The following RBM33 variants were observed in gnomAD, a reference collection of about 807,000 sequenced individuals.
RBM33 encodes RNA-binding protein 33.
RBM33 carries 28 observed loss-of-function variants against 132.6 expected under a neutral mutation model. The observed-to-expected ratio is 0.21, with a 90% confidence interval of 0.16 to 0.29. The LOEUF is 0.29. Ranked by LOEUF, RBM33 falls within the 10% of genes least tolerant of loss-of-function variation. The pLI, the probability that RBM33 is intolerant of heterozygous loss-of-function variation, is 1.00. For synonymous variants in RBM33, 634 were observed against 593.0 expected, an observed-to-expected ratio of 1.07 and a Z score of -1.01; for missense variants, 1,291 against 1,518.5, an observed-to-expected ratio of 0.85 and a Z score of 2.49.
chr7:155,710,073 C>A (rs1800236639), intron 7 of RBM33, among the ~76,000 whole-genome samples: 1 of 152,168 alleles, frequency 6.6e-6, no homozygotes, highest in South Asian at 2.1e-4. Context: ...CCAAAGAGAT[C>A]ATTCGTGATC....
chr7:155,768,309 C>G (rs1802290178), intron 16 of RBM33, among the ~76,000 whole-genome samples: 1 of 152,208 alleles, frequency 6.6e-6, no homozygotes, highest in Admixed American at 6.5e-5. Flanking sequence ...ATTGCCAAAC[C>G]AGCTAATTTC....
intron 14 of RBM33, among the ~76,000 whole-genome samples, chr7:155,749,891 C>A (rs150220032): frequency 1.3e-4 from 20 of 152,292 alleles, no homozygotes; most frequent in Non-Finnish European, 2.9e-4. Context: ...CTGTGTGAAT[C>A]AAATTAAGTC....
intron 14 of RBM33, among the ~76,000 whole-genome samples, chr7:155,759,415 CTTT>C (rs58449648): frequency 1.8e-4 from 21 of 113,984 alleles, no homozygotes; most frequent in Non-Finnish European, 2.5e-4. Flanking sequence ...TGTTTATGTT[CTTT>C]TTTTTTTTTT....
At chr7:155,750,913 G>T (rs551205414) in intron 14 of RBM33, among the ~76,000 whole-genome samples, 1 of 152,102 alleles carries the variant, frequency 6.6e-6, no homozygotes, top group Non-Finnish European at 1.5e-5. Flanking sequence ...GAATGCCCCC[G>T]CAGGAAAGCC....
At chr7:155,673,404 GTGTGTGT>G (rs1472624345) in intron 3 of RBM33, among the ~76,000 whole-genome samples, 5 of 1,788 alleles carry the variant, frequency 2.8e-3, no homozygotes, top group Admixed American at 0.016. Context: ...TATATATATT[GTGTGTGT>G]GTGTGTGTGT....
chr7:155,735,070 G>GT (rs1201991342), intron 9 of RBM33, among the ~76,000 whole-genome samples: 1 of 152,146 alleles, frequency 6.6e-6, no homozygotes, highest in African/African-American at 2.4e-5. Flanking sequence ...TTGGACCATT[G>GT]TAAGTCAGGA....
chr7:155,682,164 G>A (rs968840334), intron 5 of RBM33, among the ~76,000 whole-genome samples: 2 of 152,024 alleles, frequency 1.3e-5, no homozygotes, highest in Non-Finnish European at 2.9e-5. Flanking sequence ...CAAGTTATCC[G>A]CCCGCCTCGT....
chr7:155,735,528 G>A (rs563430011), intron 9 of RBM33, among the ~76,000 whole-genome samples: 267 of 152,238 alleles, frequency 1.8e-3, no homozygotes, highest in African/African-American at 5.0e-3. Flanking sequence ...AACATAGCAA[G>A]ACCCTGCCTC....
chr7:155,684,822 T>A (rs897540378), intron 5 of RBM33: 39 of 1,226,992 alleles, frequency 3.2e-5, no homozygotes, highest in Non-Finnish European at 4.4e-5. Flanking sequence ...CTAATCACCA[T>A]AGTAAAACTT....
intron 3 of RBM33, among the ~76,000 whole-genome samples, chr7:155,674,342 A>G (rs1339544840): frequency 9.9e-5 from 15 of 152,034 alleles, no homozygotes; most frequent in Admixed American, 9.8e-4. Context: ...TTTATACTCT[A>G]TTGGGGAATT....
intron 1 of RBM33, among the ~76,000 whole-genome samples, chr7:155,660,842 C>G (rs1023161430): frequency 1.3e-5 from 2 of 151,964 alleles, no homozygotes; most frequent in Non-Finnish European, 2.9e-5. Flanking sequence ...TCCTGTCTGT[C>G]CTCTCCTTCT....
chr7:155,697,594 GTGTGTGGTGTA>G (rs1398430915), intron 5 of RBM33, among the ~76,000 whole-genome samples: 2 of 152,122 alleles, frequency 1.3e-5, no homozygotes, highest in East Asian at 3.8e-4. Context: ...GTGTGTGTGT[GTGTGTGGTGTA>G]TGTGTTTCAG....
intron 9 of RBM33, among the ~76,000 whole-genome samples, chr7:155,719,402 A>G (rs1264200989): frequency 2.6e-5 from 4 of 152,180 alleles, no homozygotes; most frequent in Non-Finnish European, 4.4e-5. Flanking sequence ...TAATCAGGTG[A>G]TTATTCAAAA....
chr7:155,747,440 T>C (rs1334227697), intron 14 of RBM33, among the ~76,000 whole-genome samples: 1 of 152,216 alleles, frequency 6.6e-6, no homozygotes, highest in Non-Finnish European at 1.5e-5. Flanking sequence ...CAATGGCCGA[T>C]GTAGAGGGCT....
chr7:155,770,495 A>C (rs971840784), intron 16 of RBM33, among the ~76,000 whole-genome samples: 2 of 151,192 alleles, frequency 1.3e-5, no homozygotes, highest in South Asian at 2.1e-4. Flanking sequence ...CTAGTGTCAG[A>C]CTCTGCTCTA....
At position 155,681,051 on chromosome 7, in the gene RBM33, G is replaced by GA. The variant is rs145243622; in HGVS notation, c.567+144dup. The stretch of plus-strand genomic sequence containing the variant: ...TCACTCTCTGCCAGTTTCTTTATCT[G>GA]AGCTATGACAAAGTTTGTGTTGACA... On this transcript the variant is annotated intron_variant, in intron 5 of 17. Coordinates refer to ENST00000401878, the MANE Select transcript of RBM33 (RefSeq NM_053043.3). The GA allele has an allele frequency of 7.8e-3, 5,239 of 668,108 alleles. 196 individuals are homozygous for GA. The African/African-American group carries it at 0.084, about 11-fold the overall frequency. The allele number at this position is 668,108 out of a possible 1,614,324, so 41.4% of individuals were successfully genotyped here. A position where few individuals can be genotyped will look rare whatever the true frequency, so the allele number is the denominator to read the frequency against.
At chr7:155,686,270 A>G (rs945398148) in intron 5 of RBM33, among the ~76,000 whole-genome samples, 1 of 152,158 alleles carries the variant, frequency 6.6e-6, no homozygotes, top group African/African-American at 2.4e-5. Flanking sequence ...AGCACTCTTT[A>G]TTACAAAGCT....
At chr7:155,737,024 G>T (rs1801145709) in intron 9 of RBM33, among the ~76,000 whole-genome samples, 2 of 152,152 alleles carry the variant, frequency 1.3e-5, no homozygotes, top group South Asian at 4.1e-4. Context: ...TTGGTTAATG[G>T]TGGACTGCAT....
intron 1 of RBM33, among the ~76,000 whole-genome samples, chr7:155,656,460 G>C (rs1032217573): frequency 6.6e-6 from 1 of 152,148 alleles, no homozygotes; most frequent in Non-Finnish European, 1.5e-5. Context: ...TATTAGTGTA[G>C]TATCGAAGAA....
Sources: gnomAD v4.1 joint callset for allele counts (sites outside exome capture counted in the v4.1 genomes callset) on GRCh38, gnomAD v4.1.1 for gene constraint, MANE v1.5 for transcripts, NCBI Gene and HGNC (gene_info 2026-07-23, HGNC 2026-07-21) for gene names.